Variants in REPS1 observed in about 807,000 individuals in gnomAD.
REPS1 encodes ralBP1-associated Eps domain-containing protein 1.
Under a neutral mutation model 100.9 loss-of-function variants are expected in REPS1, and 39 were observed. The ratio of observed to expected loss-of-function variants is 0.39; its 90% CI spans 0.30 to 0.50. The LOEUF (loss-of-function observed/expected upper bound fraction) is 0.50, where lower values mean the gene tolerates loss of function less well. REPS1 is among the 20% of genes least tolerant of loss of function. The pLI is 0.86. For synonymous variants in REPS1, 324 were observed against 340.3 expected (o/e 0.95, Z 0.53); for missense variants, 821 against 968.5 (o/e 0.85, Z 2.02).
intron 1 of REPS1, among the ~76,000 whole-genome samples, chr6:138,957,624 T>C (rs904891013): frequency 6.6e-6 from 1 of 152,162 alleles, no homozygotes; most frequent in African/African-American, 2.4e-5. Flanking sequence ...ATGTCAGCTA[T>C]GCAACCGGCC....
intron 19 of REPS1, 135 bp from the exon 20 acceptor site, chr6:138,905,267 G>T: frequency 1.7e-6 from 1 of 601,864 alleles, no homozygotes; most frequent in Non-Finnish European, 3.0e-6. Context: ...TATTTTAAAA[G>T]TATACTTCAC....
chr6:138,932,739 T>A (rs1014185487), intron 8 of REPS1, among the ~76,000 whole-genome samples: 5 of 152,242 alleles, frequency 3.3e-5, no homozygotes, highest in Non-Finnish European at 7.3e-5. Context: ...CAGCTGATAA[T>A]CTATAATAAT....
chr6:138,956,323 T>C (rs989005450), intron 1 of REPS1, among the ~76,000 whole-genome samples: 2 of 151,888 alleles, frequency 1.3e-5, no homozygotes, highest in African/African-American at 2.4e-5. Context: ...AGAATACCCA[T>C]GGAGAAGAAA....
At chr6:138,916,546 G>A (rs1285735050) in intron 13 of REPS1, among the ~76,000 whole-genome samples, 2 of 151,972 alleles carry the variant, frequency 1.3e-5, no homozygotes, top group African/African-American at 2.4e-5. Flanking sequence ...TTGTCAACAT[G>A]ATTTCATAAT....
chr6:138,947,396 T>C (rs1782709344), intron 2 of REPS1, among the ~76,000 whole-genome samples: 1 of 152,122 alleles, frequency 6.6e-6, no homozygotes, highest in Non-Finnish European at 1.5e-5. Context: ...CAAACAAAAA[T>C]ACAAAGTATA....
intron 15 of REPS1, among the ~76,000 whole-genome samples, chr6:138,913,678 A>C (rs1471480721): frequency 6.6e-6 from 1 of 152,198 alleles, no homozygotes; most frequent in African/African-American, 2.4e-5. Context: ...ATCTCCTCTA[A>C]GAAAAAGTCT....
At chr6:138,916,433 C>T (rs941126446) in intron 13 of REPS1, among the ~76,000 whole-genome samples, 1 of 151,846 alleles carries the variant, frequency 6.6e-6, no homozygotes, top group Non-Finnish European at 1.5e-5. Context: ...GTTGGCCAGG[C>T]TGGTCTCGAA....
chr6:138,953,817 T>C (rs1783197062), intron 1 of REPS1, among the ~76,000 whole-genome samples: 1 of 152,052 alleles, frequency 6.6e-6, no homozygotes, highest in South Asian at 2.1e-4. Context: ...AGAACTACCA[T>C]ATGATCCAGC....
chr6:138,913,735 A>AC (rs1224076266), intron 15 of REPS1, among the ~76,000 whole-genome samples: 1 of 152,198 alleles, frequency 6.6e-6, no homozygotes, highest in Non-Finnish European at 1.5e-5. Flanking sequence ...ATCACTCCAC[A>AC]CATCTACTCC....
intron 1 of REPS1, among the ~76,000 whole-genome samples, chr6:138,949,747 T>C (rs944655772): frequency 2.0e-5 from 3 of 152,020 alleles, no homozygotes; most frequent in Non-Finnish European, 4.4e-5. Flanking sequence ...AAAGGTTTTA[T>C]TATATTATAC....
intron 2 of REPS1, among the ~76,000 whole-genome samples, chr6:138,945,922 G>A (rs1782583019): frequency 6.6e-6 from 1 of 152,152 alleles, no homozygotes; most frequent in Admixed American, 6.5e-5. Context: ...CTTCTAATGA[G>A]TGATAACAAT....
At chr6:138,948,020 G>T (rs970652646) in intron 1 of REPS1, 107 bp from the exon 2 acceptor site, 13 of 1,017,412 alleles carry the variant, frequency 1.3e-5, no homozygotes, top group Admixed American at 3.2e-5. Flanking sequence ...CTATCTAATA[G>T]ATGGTATAAT....
chr6:138,942,908 C>A (rs6913940), intron 7 of REPS1, among the ~76,000 whole-genome samples: 4,665 of 151,902 alleles, frequency 0.031, 115 homozygotes, highest in African/African-American at 0.067. Flanking sequence ...GCATGTGCCA[C>A]CATGCCCGGC....
intron 15 of REPS1, 34 bp downstream of exon 15, chr6:138,914,662 TG>T: frequency 6.5e-7 from 1 of 1,533,828 alleles, no homozygotes; most frequent in Non-Finnish European, 9.0e-7. Context: ...AAAGTGATCA[TG>T]GGACATTTAG....
At chr6:138,953,964 G>T (rs902115075) in intron 1 of REPS1, among the ~76,000 whole-genome samples, 2 of 152,062 alleles carry the variant, frequency 1.3e-5, no homozygotes, top group African/African-American at 4.8e-5. Flanking sequence ...CAGATGGGTG[G>T]ATAAAGAAAA....
chr6:138,963,206 T>C (rs1299087477), intron 1 of REPS1, among the ~76,000 whole-genome samples: 1 of 152,184 alleles, frequency 6.6e-6, no homozygotes, highest in Non-Finnish European at 1.5e-5. Flanking sequence ...TTCCTTCCTG[T>C]AACATTTTCT....
intron 13 of REPS1, 48 bp from the exon 14 acceptor site, chr6:138,916,024 C>T (rs758796838): frequency 7.4e-7 from 1 of 1,346,910 alleles, no homozygotes; most frequent in South Asian, 1.2e-5. Context: ...GATATCAGAG[C>T]TTTTTTCTTT....
At position 138,984,664 on chromosome 6, in the gene REPS1, G is replaced by A. The variant is rs148591079; in HGVS notation, c.153+2866C>T. 1.7e-3 allele frequency among the ~76,000 whole-genome samples: 255 copies of A among 152,066 alleles called. 1 individual carries two copies. Among genetic ancestry groups the A allele is most frequent in the African/African-American group, 6.0e-3 (249 of 41,464 alleles). Reference sequence around the variant, plus strand: ...TACCACTGGCCCAGTTTCTCACTTCGTATCTGCCATACAAAATCAGCCCCC... The same window carrying A: ...TACCACTGGCCCAGTTTCTCACTTCATATCTGCCATACAAAATCAGCCCCC... On this transcript the variant is annotated intron_variant, in intron 1 of 19. Coordinates refer to ENST00000450536, the MANE Select transcript of REPS1 (RefSeq NM_001286611.2).
intron 10 of REPS1, among the ~76,000 whole-genome samples, chr6:138,922,002 T>A (rs1046311609): frequency 1.1e-4 from 17 of 151,868 alleles, no homozygotes; most frequent in African/African-American, 2.7e-4. Context: ...TGTGTGTGTG[T>A]GTGAGATTTA....
Sources: allele counts gnomAD v4.1 joint callset (sites outside exome capture counted in the v4.1 genomes callset), GRCh38; gene constraint gnomAD v4.1.1; transcripts MANE v1.5; gene names NCBI Gene and HGNC (gene_info 2026-07-23, HGNC 2026-07-21).